MYO1E: variants seen among roughly 807,000 people sequenced by gnomAD.
MYO1E encodes the protein unconventional myosin-Ie.
Under a neutral mutation model 151.1 loss-of-function variants are expected in MYO1E, and 68 were observed. That is an observed-to-expected ratio of 0.45 (90% CI 0.37 to 0.55). MYO1E has a LOEUF of 0.55. Among genes scored for constraint, MYO1E ranks in the 20% least tolerant of loss-of-function variants. The probability of loss-of-function intolerance (pLI) is 0.00; values close to 1 mark genes in which losing one functional copy is unlikely to be tolerated. For synonymous variants in MYO1E, 601 were observed against 501.7 expected (o/e 1.20, Z -2.64); for missense variants, 1,363 against 1,389.3 (o/e 0.98, Z 0.30).
chr15:59,181,105 G>T (rs953441967), intron 18 of MYO1E, among the ~76,000 whole-genome samples: 9 of 152,042 alleles, frequency 5.9e-5, no homozygotes, highest in African/African-American at 1.9e-4. Context: ...CAAACATCCT[G>T]GCAGCCAGGA....
At position 59,214,674 on chromosome 15, in the gene MYO1E, C is replaced by G; in HGVS notation, c.1154G>C (p.Gly385Ala). 1 of 1,613,824 alleles carries G rather than the reference C, an allele frequency of 6.2e-7. No individual in the cohort carries two copies. Among genetic ancestry groups the G allele is most frequent in the Non-Finnish European group, 8.5e-7 (1 of 1,179,774 alleles). The part of the protein sequence containing the change: ...MEKDHEEYNI[G>A]VLDIYGFEIF... ...TTCAAAGCCATAGATGTCTAGGACGCCAATGTTGTATTCTTCATGGTCTTT... is the reference window on the plus strand; with the variant it reads ...TTCAAAGCCATAGATGTCTAGGACGGCAATGTTGTATTCTTCATGGTCTTT... The change falls in exon 11 of 28, where the codon GGC becomes GCC. Residue 385 changes from glycine to alanine, a missense_variant. Coordinates refer to ENST00000288235, the MANE Select transcript of MYO1E (RefSeq NM_004998.4).
intron 1 of MYO1E, among the ~76,000 whole-genome samples, chr15:59,310,593 C>T (rs1045390449): frequency 1.8e-4 from 28 of 152,168 alleles, no homozygotes; most frequent in African/African-American, 6.5e-4. Context: ...CCCCAACCTT[C>T]GGAAGGAGCG....
chr15:59,231,154 C>T (rs1454116817), intron 6 of MYO1E, among the ~76,000 whole-genome samples: 22 of 152,150 alleles, frequency 1.4e-4, no homozygotes, highest in Admixed American at 1.4e-3. Flanking sequence ...TTTGGGATGT[C>T]GTTAGGTTAC....
At chr15:59,276,086 G>C (rs1013392363) in intron 1 of MYO1E, among the ~76,000 whole-genome samples, 9 of 152,132 alleles carry the variant, frequency 5.9e-5, no homozygotes, top group Non-Finnish European at 1.0e-4. Flanking sequence ...TATGCAATAG[G>C]GCTCTGGGGC....
rs781255844 is a variant in MYO1E at position 59,188,236 on chromosome 15, G to C, written c.1806-20C>G. The C allele has an allele frequency of 3.2e-6, 5 of 1,586,862 alleles. No individual in the cohort carries two copies. Among genetic ancestry groups the C allele is most frequent in the Non-Finnish European group, 4.3e-6 (5 of 1,155,720 alleles). ...TTTACCCTGTGCAAAGGAGAAAATG[G>C]GGCCTGGACATTACTGGATAATCCT... is the stretch of plus-strand genomic sequence containing the variant. On this transcript the variant is annotated intron_variant, in intron 17 of 27. Coordinates refer to ENST00000288235, the MANE Select transcript of MYO1E (RefSeq NM_004998.4).
At chr15:59,238,577 G>A (rs1486300852) in intron 4 of MYO1E, among the ~76,000 whole-genome samples, 1 of 152,128 alleles carries the variant, frequency 6.6e-6, no homozygotes, top group East Asian at 1.9e-4. Context: ...GCTGGTATAG[G>A]AATGGTTTTT....
chr15:59,250,464 G>A (rs935455560), intron 4 of MYO1E, among the ~76,000 whole-genome samples: 1 of 152,144 alleles, frequency 6.6e-6, no homozygotes, highest in Non-Finnish European at 1.5e-5. Context: ...CACAGGGAGA[G>A]GAAAACCAGA....
chr15:59,207,531 G>C (rs1403493164), intron 14 of MYO1E: 1 of 1,614,016 alleles, frequency 6.2e-7, no homozygotes, highest in South Asian at 1.1e-5. Context: ...ATGTAGCTTG[G>C]AAGTTGAGTG....
At chr15:59,141,041 T>A (rs1397508227) in intron 26 of MYO1E, among the ~76,000 whole-genome samples, 2 of 152,226 alleles carry the variant, frequency 1.3e-5, no homozygotes, top group African/African-American at 4.8e-5. Context: ...AGCAGGTTTT[T>A]AATTAAGCAC....
intron 1 of MYO1E, among the ~76,000 whole-genome samples, chr15:59,295,482 A>G (rs947222125): frequency 6.6e-6 from 1 of 152,236 alleles, no homozygotes. Context: ...TTGGCACTAC[A>G]GACAGGAAAC....
intron 1 of MYO1E, among the ~76,000 whole-genome samples, chr15:59,364,509 C>T (rs1486902429): frequency 6.6e-6 from 1 of 152,086 alleles, no homozygotes; most frequent in Non-Finnish European, 1.5e-5. Flanking sequence ...ATACTGCCAC[C>T]AAAATATAAC....
At chr15:59,225,926 G>A (rs574400195) in intron 7 of MYO1E, among the ~76,000 whole-genome samples, 2 of 152,280 alleles carry the variant, frequency 1.3e-5, no homozygotes, top group South Asian at 4.2e-4. Context: ...GATTACAGGC[G>A]TGAGCCACCG....
intron 23 of MYO1E, 129 bp from the exon 24 acceptor site, chr15:59,161,359 G>C (rs2079537408): frequency 1.9e-6 from 2 of 1,069,914 alleles, no homozygotes; most frequent in East Asian, 2.6e-5. Flanking sequence ...TCTACACCAG[G>C]AGCAGGGCCC....
chr15:59,206,844 G>A, intron 14 of MYO1E: 1 of 1,281,836 alleles, frequency 7.8e-7, no homozygotes. Context: ...ACCTGCCGTA[G>A]AGTGCTGAAG....
chr15:59,277,567 A>T (rs754736634), intron 1 of MYO1E, among the ~76,000 whole-genome samples: 1 of 145,266 alleles, frequency 6.9e-6, no homozygotes, highest in Admixed American at 6.7e-5. Flanking sequence ...AAAAAAAAAA[A>T]AAAAAACATC....
chr15:59,366,967 T>C (rs1226079340), intron 1 of MYO1E, among the ~76,000 whole-genome samples: 10 of 134,226 alleles, frequency 7.5e-5, no homozygotes, highest in East Asian at 4.2e-4. Context: ...TAATCACAGA[T>C]TGGTAAAAAC....
rs116022599 is a variant in MYO1E at position 59,143,559 on chromosome 15, G to A, written c.3081-5192C>T. On this transcript the variant is annotated intron_variant, in intron 26 of 27. Transcript: ENST00000288235. ...TACACCCTTCTTGTGAGGGCTAGCA[G>A]ACAGGATGTCTTCTGGGAAACTGCC... 3.3e-3 allele frequency among the ~76,000 whole-genome samples: 500 copies of A among 152,284 alleles called. 4 individuals are homozygous for A. The highest frequency in any genetic ancestry group is 0.012 in the African/African-American group (478 of 41,554).
At chr15:59,292,327 G>A (rs1178276071) in intron 1 of MYO1E, among the ~76,000 whole-genome samples, 1 of 152,194 alleles carries the variant, frequency 6.6e-6, no homozygotes, top group Non-Finnish European at 1.5e-5. Flanking sequence ...TCCTACATGT[G>A]TTTCTACAGC....
At chr15:59,180,007 A>T (rs1299248693) in intron 18 of MYO1E, among the ~76,000 whole-genome samples, 1 of 152,226 alleles carries the variant, frequency 6.6e-6, no homozygotes, top group African/African-American at 2.4e-5. Context: ...CTGATTTATG[A>T]CAGCCAAGGG....
Sources: gnomAD v4.1 joint callset for allele counts (sites outside exome capture counted in the v4.1 genomes callset) on GRCh38, gnomAD v4.1.1 for gene constraint, MANE v1.5 for transcripts, NCBI Gene and HGNC (gene_info 2026-07-23, HGNC 2026-07-21) for gene names.